The following TIMP2 variants were observed in gnomAD, a reference collection of about 807,000 sequenced individuals.
TIMP2 encodes the protein TIMP metallopeptidase inhibitor 2.
In TIMP2, 5 loss-of-function variants were observed where a neutral mutation model predicts 24.3. That is an observed-to-expected ratio of 0.21 (90% CI 0.11 to 0.43). The LOEUF (loss-of-function observed/expected upper bound fraction) is 0.43, where lower values mean the gene tolerates loss of function less well. Ranked by LOEUF, TIMP2 falls within the 20% of genes least tolerant of loss-of-function variation. The pLI is 1.00. For synonymous variants in TIMP2, 130 were observed against 123.2 expected, an observed-to-expected ratio of 1.06 and a Z score of -0.37; for missense variants, 221 against 297.5, an observed-to-expected ratio of 0.74 and a Z score of 1.89.
chr17:78,903,953 G>A (rs555685659), intron 1 of TIMP2, among the ~76,000 whole-genome samples: 1 of 152,066 alleles, frequency 6.6e-6, no homozygotes, highest in Non-Finnish European at 1.5e-5. Flanking sequence ...AGACAGTCTT[G>A]CTCTGTTGCC....
intron 3 of TIMP2, among the ~76,000 whole-genome samples, chr17:78,864,383 CCCTCCCTT>C (rs1186649505): frequency 6.8e-6 from 1 of 147,196 alleles, no homozygotes; most frequent in African/African-American, 2.5e-5. Flanking sequence ...CCCCCTTCCT[CCCTCCCTT>C]CCTTCCTTCC....
At chr17:78,917,479 G>A (rs1321346628) in intron 1 of TIMP2, among the ~76,000 whole-genome samples, 3 of 152,152 alleles carry the variant, frequency 2.0e-5, no homozygotes, top group African/African-American at 4.8e-5. Context: ...TTCTGTGTAC[G>A]GTAGGCACCC....
At chr17:78,887,823 T>C (rs889004481) in intron 1 of TIMP2, among the ~76,000 whole-genome samples, 3 of 152,096 alleles carry the variant, frequency 2.0e-5, no homozygotes, top group Non-Finnish European at 4.4e-5. Flanking sequence ...AAAGCACTTT[T>C]TGACACCCGG....
intron 3 of TIMP2, among the ~76,000 whole-genome samples, chr17:78,868,360 C>T (rs537164706): frequency 4.6e-4 from 70 of 152,224 alleles, no homozygotes; most frequent in African/African-American, 1.6e-3. Flanking sequence ...AAATGATTCT[C>T]ATGCCTCAGC....
chr17:78,856,410 T>C (rs1277925139), intron 4 of TIMP2: 1 of 157,022 alleles, frequency 6.4e-6, no homozygotes, highest in African/African-American at 2.4e-5. Flanking sequence ...GAGTTCAGAA[T>C]TCCTGTTTTG....
chr17:78,890,958 G>A (rs1449456049), intron 1 of TIMP2: 22 of 1,551,082 alleles, frequency 1.4e-5, no homozygotes, highest in Non-Finnish European at 1.9e-5. Context: ...GATTCCAGTT[G>A]TTTTTGTCTT....
intron 1 of TIMP2, among the ~76,000 whole-genome samples, chr17:78,918,264 G>A (rs561406705): frequency 1.3e-5 from 2 of 152,286 alleles, no homozygotes; most frequent in South Asian, 2.1e-4. Flanking sequence ...CTGGGGCTCC[G>A]GAAGCTTTCC....
Position 78,858,516 on chromosome 17 carries a change from C to T in TIMP2, c.341-870G>A, listed in dbSNP as rs553657838. Among the ~76,000 whole-genome samples, 8 of 151,982 alleles carry T rather than the reference C, an allele frequency of 5.3e-5. No individual in the cohort carries two copies. The South Asian group carries it at 1.7e-3, about 32-fold the overall frequency. On this transcript the variant is annotated intron_variant, in intron 3 of 4. Transcript: ENST00000262768. ...CACAGCTAATATTTTGATGTATTTC[C>T]TTCCAATATTCCACTATTGATTTTG... is the stretch of plus-strand genomic sequence containing the variant.
At chr17:78,882,801 G>T (rs1158704125) in intron 1 of TIMP2, among the ~76,000 whole-genome samples, 1 of 152,232 alleles carries the variant, frequency 6.6e-6, no homozygotes, top group African/African-American at 2.4e-5. Flanking sequence ...TGAGCAGCCA[G>T]GAAGTGTCAC....
intron 1 of TIMP2, among the ~76,000 whole-genome samples, chr17:78,893,098 T>G (rs2069927980): frequency 1.3e-5 from 2 of 151,096 alleles, no homozygotes; most frequent in Admixed American, 1.3e-4. Flanking sequence ...CAGGGGTGTG[T>G]GTGGGTGTGT....
intron 1 of TIMP2, chr17:78,899,777 G>A (rs2070061735): frequency 6.6e-6 from 1 of 152,124 alleles, no homozygotes; most frequent in Non-Finnish European, 1.5e-5. Context: ...CATGTCCCCA[G>A]CCCAGGCCTC....
chr17:78,910,487 G>C (rs1339867986), intron 1 of TIMP2, among the ~76,000 whole-genome samples: 2 of 152,074 alleles, frequency 1.3e-5, no homozygotes, highest in Non-Finnish European at 2.9e-5. Context: ...GCCACCGCCT[G>C]GCCTATTGTT....
rs140117440 is a variant in TIMP2, at chr17:78,872,478, G to A, written c.231+1341C>T. Among the ~76,000 whole-genome samples the A allele has an allele frequency of 1.9e-3, 288 of 152,262 alleles. 1 individual carries two copies. The highest frequency in any genetic ancestry group is 3.3e-3 in the Non-Finnish European group (224 of 68,008). On this transcript the variant is annotated intron_variant, in intron 2 of 4. Transcript: ENST00000262768. The stretch of plus-strand genomic sequence containing the variant: ...GAATGGCATTTTCTCAGCACTCAGG[G>A]AGGCTGTTTTTTTCCCCCCGAAGAG...
chr17:78,863,924 G>A (rs915464810), intron 3 of TIMP2, among the ~76,000 whole-genome samples: 8 of 152,128 alleles, frequency 5.3e-5, no homozygotes, highest in Admixed American at 3.3e-4. Context: ...TGTACGGATC[G>A]GCATGGGAGG....
Position 78,925,053 on chromosome 17 carries a change from G to A in TIMP2, c.36C>T (p.Leu12=), listed in dbSNP as rs577686887. The part of the protein sequence containing the change: ...GAAARTLRLA[L]GLLLLATLLR... Reference sequence around the variant, plus strand: ...GCAGCGTCGCCAGCAGCAGGAGGCCGAGCGCCAGCCGCAGGGTGCGGGCCG... The same window carrying A: ...GCAGCGTCGCCAGCAGCAGGAGGCCAAGCGCCAGCCGCAGGGTGCGGGCCG... Residue 12 remains leucine, a synonymous_variant, in exon 1 of 5, where the codon CTC becomes CTT. Transcript: ENST00000262768. The A allele has an allele frequency of 0.033, 38,877 of 1,184,470 alleles. 726 individuals carry two copies. Among genetic ancestry groups the A allele is most frequent in the Non-Finnish European group, 0.036 (34,150 of 954,384 alleles). 73.4% of individuals were successfully genotyped at this position (1,184,470 alleles called of 1,614,324 possible).
At chr17:78,865,543 G>C (rs905480572) in intron 3 of TIMP2, among the ~76,000 whole-genome samples, 28 of 150,690 alleles carry the variant, frequency 1.9e-4, no homozygotes, top group African/African-American at 6.3e-4. Flanking sequence ...AGAATCACTT[G>C]AACCCGGGAG....
rs147066826 is a variant in TIMP2, at chr17:78,880,219, C to T, written c.131-6300G>A. ...ACGGTCCTCCCTTGTTCTCTCTCCT[C>T]GGTGTCCCCTCTGCTGCCATCAACA... On this transcript the variant is annotated intron_variant, in intron 1 of 4. Coordinates refer to ENST00000262768, the MANE Select transcript of TIMP2 (RefSeq NM_003255.5). Among the ~76,000 whole-genome samples the T allele has an allele frequency of 3.4e-3, 523 of 152,324 alleles. 2 individuals are homozygous for T. Among genetic ancestry groups the T allele is most frequent in the African/African-American group, 0.012 (495 of 41,574 alleles).
chr17:78,890,796 T>G (rs1191069622), intron 1 of TIMP2: 2 of 1,550,650 alleles, frequency 1.3e-6, no homozygotes, highest in East Asian at 2.4e-5. Flanking sequence ...GAAGTGGTGC[T>G]GAGCTCAGAT....
At chr17:78,921,037 C>T (rs564992579) in intron 1 of TIMP2, among the ~76,000 whole-genome samples, 1 of 152,226 alleles carries the variant, frequency 6.6e-6, no homozygotes, top group Non-Finnish European at 1.5e-5. Flanking sequence ...GAGTTGCCAA[C>T]AGTTTCTTTA....
Sources: allele counts gnomAD v4.1 joint callset (sites outside exome capture counted in the v4.1 genomes callset), GRCh38; gene constraint gnomAD v4.1.1; transcripts MANE v1.5; gene names NCBI Gene and HGNC (gene_info 2026-07-23, HGNC 2026-07-21).